SIL1: variants seen among roughly 807,000 people sequenced by gnomAD.
The protein encoded by SIL1 is nucleotide exchange factor SIL1.
In SIL1, 40 loss-of-function variants were observed where a neutral mutation model predicts 49.1. The observed-to-expected ratio is 0.81, with a 90% CI of 0.63 to 1.06. SIL1 has a LOEUF of 1.06. SIL1 is among the 50% of genes least tolerant of loss of function. The pLI is 0.00. For missense variants in SIL1, 500 were observed against 572.6 expected (o/e 0.87, Z 1.29); for synonymous variants, 253 against 250.8 (o/e 1.01, Z -0.08).
At position 138,970,862 on chromosome 5, in the gene SIL1, G is replaced by C. The variant is rs559644962; in HGVS notation, c.768-18978C>G. Among the ~76,000 whole-genome samples, 20 of 151,826 alleles carry C rather than the reference G, an allele frequency of 1.3e-4. No individual in the cohort carries two copies. In the South Asian group the frequency reaches 3.3e-3, roughly 25 times the overall value. ...GGTTGCAGTGGGCCAAAATTGTGGTGAGCCAAGATTGCGCCACTGCACTCC... is the reference window on the plus strand; with the variant it reads ...GGTTGCAGTGGGCCAAAATTGTGGTCAGCCAAGATTGCGCCACTGCACTCC... On this transcript the variant is annotated intron_variant, in intron 7 of 9. Transcript: ENST00000394817.
intron 1 of SIL1, among the ~76,000 whole-genome samples, chr5:139,143,328 C>CATAT (rs1751124247): frequency 2.4e-5 from 3 of 127,014 alleles, no homozygotes; most frequent in African/African-American, 1.1e-4. Context: ...CACACACACA[C>CATAT]ACACACACAC....
chr5:139,159,363 T>C (rs974869715), intron 1 of SIL1, among the ~76,000 whole-genome samples: 3 of 152,202 alleles, frequency 2.0e-5, no homozygotes, highest in African/African-American at 7.2e-5. Context: ...TGCCAGGAGC[T>C]GGCAAGGAAG....
At chr5:139,158,236 T>C (rs1191658301) in intron 1 of SIL1, among the ~76,000 whole-genome samples, 1 of 152,198 alleles carries the variant, frequency 6.6e-6, no homozygotes, top group Non-Finnish European at 1.5e-5. Context: ...TCAAACTGCC[T>C]GCCTCCAAAT....
chr5:139,163,521 C>G (rs1000533752), intron 1 of SIL1, among the ~76,000 whole-genome samples: 4 of 151,942 alleles, frequency 2.6e-5, no homozygotes, highest in Admixed American at 6.6e-5. Context: ...AGGTGCCCAC[C>G]ACCACGCCTG....
chr5:139,024,794 C>G (rs1303010306), intron 6 of SIL1, among the ~76,000 whole-genome samples: 1 of 152,220 alleles, frequency 6.6e-6, no homozygotes, highest in Non-Finnish European at 1.5e-5. Context: ...TGCTCAATAT[C>G]CTTCAATAAT....
chr5:139,150,588 A>T (rs1751277099), intron 1 of SIL1, among the ~76,000 whole-genome samples: 1 of 152,170 alleles, frequency 6.6e-6, no homozygotes, highest in Admixed American at 6.5e-5. Flanking sequence ...AGGAAGCCAA[A>T]GGCACATGGC....
In SIL1 at chr5:139,151,024, G is replaced by A. The variant is rs190492916; in HGVS notation, c.-10-23171C>T. Among the ~76,000 whole-genome samples, 655 of 152,254 alleles carry A rather than the reference G, an allele frequency of 4.3e-3. 2 individuals are homozygous for A. The highest frequency in any genetic ancestry group is 0.015 in the African/African-American group (627 of 41,552). Reference sequence around the variant, plus strand: ...AGCAGGTAGAAGGCAGCAATTTTCAGGAGGAGGATGCTGGTATTGATAATA... The same window carrying A: ...AGCAGGTAGAAGGCAGCAATTTTCAAGAGGAGGATGCTGGTATTGATAATA... On this transcript the variant is annotated intron_variant, in intron 1 of 9. Coordinates refer to ENST00000394817, the MANE Select transcript of SIL1 (RefSeq NM_022464.5).
intron 3 of SIL1, among the ~76,000 whole-genome samples, chr5:139,097,518 C>A (rs1234874032): frequency 6.6e-6 from 1 of 151,354 alleles, no homozygotes; most frequent in African/African-American, 2.4e-5. Flanking sequence ...CTCACCGTCA[C>A]CCAGGCTGGA....
At chr5:139,079,220 C>A (rs969674991) in intron 3 of SIL1, among the ~76,000 whole-genome samples, 1 of 152,080 alleles carries the variant, frequency 6.6e-6, no homozygotes, top group Non-Finnish European at 1.5e-5. Flanking sequence ...GGAATCCTGG[C>A]GCCTTGCAGC....
intron 1 of SIL1, among the ~76,000 whole-genome samples, chr5:139,168,398 C>T (rs980909216): frequency 2.6e-5 from 4 of 152,216 alleles, no homozygotes; most frequent in Admixed American, 2.0e-4. Context: ...CCCAACTTCA[C>T]GGCAGGTAGT....
At chr5:139,142,305 T>G (rs1437139151) in intron 1 of SIL1, among the ~76,000 whole-genome samples, 1 of 152,126 alleles carries the variant, frequency 6.6e-6, no homozygotes, top group East Asian at 1.9e-4. Context: ...AAGTCAGCAT[T>G]ACCCTGAAAC....
chr5:139,042,249 C>G (rs1043041044), intron 5 of SIL1, among the ~76,000 whole-genome samples: 1 of 152,202 alleles, frequency 6.6e-6, no homozygotes, highest in Non-Finnish European at 1.5e-5. Flanking sequence ...TTGGAACAAG[C>G]TTGTGTCTAA....
rs986224446 is a variant in SIL1 at position 139,138,144 on chromosome 5, T to C, written c.-10-10291A>G. 1.3e-4 allele frequency among the ~76,000 whole-genome samples: 20 copies of C among 149,902 alleles called. No homozygotes were observed. The East Asian group carries it at 1.4e-3, about 10-fold the overall frequency. On this transcript the variant is annotated intron_variant, in intron 1 of 9. Transcript: ENST00000394817. ...CCAGTGCCAGGCACACACACACATA[T>C]ACACACACACACACACACAAACCAC...
At chr5:139,021,637 C>T (rs1768530840) in intron 6 of SIL1, among the ~76,000 whole-genome samples, 1 of 152,170 alleles carries the variant, frequency 6.6e-6, no homozygotes, top group African/African-American at 2.4e-5. Flanking sequence ...AATCTGGCGT[C>T]ATCAGCACCA....
chr5:139,189,903 T>C (rs1752137498), intron 1 of SIL1, among the ~76,000 whole-genome samples: 1 of 152,120 alleles, frequency 6.6e-6, no homozygotes, highest in South Asian at 2.1e-4. Context: ...CATCCCCCAG[T>C]CCATGGAAAA....
At chr5:139,114,478 C>T (rs1007738149) in intron 3 of SIL1, among the ~76,000 whole-genome samples, 1 of 152,170 alleles carries the variant, frequency 6.6e-6, no homozygotes, top group Non-Finnish European at 1.5e-5. Flanking sequence ...TCCTATAGGC[C>T]TCAAGAGACC....
At chr5:139,191,202 T>TGACAGTGA (rs1262939454) in intron 1 of SIL1, among the ~76,000 whole-genome samples, 168 of 117,354 alleles carry the variant, frequency 1.4e-3, no homozygotes, top group African/African-American at 5.4e-3. Flanking sequence ...CACACCTGGG[T>TGACAGTGA]GACAGTGAGA....
rs1007788143 is a variant in SIL1, at chr5:139,058,092, G to A, written c.245-7046C>T. Among the ~76,000 whole-genome samples, 9 of 152,270 alleles carry A rather than the reference G, an allele frequency of 5.9e-5. No individual in the cohort carries two copies. The South Asian group carries it at 1.4e-3, about 25-fold the overall frequency. On this transcript the variant is annotated intron_variant, in intron 3 of 9. Coordinates refer to ENST00000394817, the MANE Select transcript of SIL1 (RefSeq NM_022464.5). ...ATAATATTATTCACCATTAAAAGGAGCAATAAATACTGCTACATCCTACAA... is the reference window on the plus strand; with the variant it reads ...ATAATATTATTCACCATTAAAAGGAACAATAAATACTGCTACATCCTACAA...
intron 3 of SIL1, among the ~76,000 whole-genome samples, chr5:139,104,844 G>T (rs1331049128): frequency 1.3e-5 from 2 of 152,174 alleles, no homozygotes; most frequent in African/African-American, 2.4e-5. Context: ...AAACACCTCA[G>T]GACTTGAACT....
Sources: gnomAD v4.1 joint callset for allele counts (sites outside exome capture counted in the v4.1 genomes callset) on GRCh38, gnomAD v4.1.1 for gene constraint, MANE v1.5 for transcripts, NCBI Gene and HGNC (gene_info 2026-07-23, HGNC 2026-07-21) for gene names.